Variants in PDHB observed in about 807,000 individuals in gnomAD.
The protein encoded by PDHB is pyruvate dehydrogenase E1 subunit beta.
PDHB carries 17 observed loss-of-function variants against 42.8 expected under a neutral mutation model. The observed-to-expected ratio is 0.40, with a 90% confidence interval of 0.27 to 0.60. PDHB has a LOEUF of 0.60. Among genes scored for constraint, PDHB ranks in the 20% least tolerant of loss-of-function variants. The pLI, the probability that PDHB is intolerant of heterozygous loss-of-function variation, is 0.46. For missense variants in PDHB, 322 were observed against 451.3 expected (o/e 0.71, Z 2.60); for synonymous variants, 154 against 148.7 (o/e 1.04, Z -0.26).
Position 58,431,452 on chromosome 3 carries a change from G to A in PDHB, c.303+141C>T. ...AACCCCAGCCACTATGGAGGCTGAG[G>A]CAGGAGAATTGCTTGAACCTGGAAG... On this transcript the variant is annotated intron_variant, in intron 5 of 9. Transcript: ENST00000302746. This position sits in a 1 kb window ranked among gnomAD's most constrained non-coding sequence, Gnocchi z 4.4. The A allele has an allele frequency of 2.7e-6, 2 of 744,650 alleles. No homozygotes were observed. The highest frequency in any genetic ancestry group is 4.8e-6 in the Non-Finnish European group (2 of 420,448). 46.1% of individuals were successfully genotyped at this position (744,650 alleles called of 1,614,324 possible). A position where few individuals can be genotyped will look rare whatever the true frequency, so the allele number is the denominator to read the frequency against.
In PDHB at chr3:58,431,409, C is replaced by T. The variant is rs1033016046; in HGVS notation, c.303+184G>A. ...ACTAAAAACACAAAAATTGGCTAGG[C>T]ACAGTGGCGCGACCTGTAACCCCAG... On this transcript the variant is annotated intron_variant, in intron 5 of 9. Coordinates refer to ENST00000302746, the MANE Select transcript of PDHB (RefSeq NM_000925.4). The surrounding 1 kb of genome is among the most constrained non-coding windows in gnomAD (Gnocchi z 4.4). 4 of 607,056 alleles carry T rather than the reference C, an allele frequency of 6.6e-6. No homozygotes were observed. The highest frequency in any genetic ancestry group is 5.9e-5 in the Admixed American group (2 of 34,080). The allele number at this position is 607,056 out of a possible 1,614,324, so 37.6% of individuals were successfully genotyped here. A position where few individuals can be genotyped will look rare whatever the true frequency, so the allele number is the denominator to read the frequency against.
Position 58,427,962 on chromosome 3 carries a change from G to A in PDHB, c.*72C>T, listed in dbSNP as rs754190213. The A allele has an allele frequency of 9.1e-6, 10 of 1,101,338 alleles. No individual in the cohort carries two copies. In the Admixed American group the frequency reaches 1.8e-4, roughly 20 times the overall value. 68.2% of individuals were successfully genotyped at this position (1,101,338 alleles called of 1,614,324 possible). On this transcript the variant is annotated 3_prime_UTR_variant, in exon 10 of 10. Transcript: ENST00000302746. ...TTTCCGTTATGAATAGTCAGGTCTT[G>A]CAGTACAAATCCAGGTGCAGTGCCA...
chr3:58,429,079 T>C (rs748868931), intron 8 of PDHB, among the ~76,000 whole-genome samples: 12 of 152,160 alleles, frequency 7.9e-5, no homozygotes, highest in Non-Finnish European at 1.2e-4. Flanking sequence ...GGTCTTGAAC[T>C]CCTGACCTCA....
At chr3:58,428,929 A>C (rs1576955712) in intron 8 of PDHB, 2 of 321,108 alleles carry the variant, frequency 6.2e-6, no homozygotes, top group African/African-American at 4.4e-5. Context: ...ATCTCGGCTC[A>C]CTGCCACCCC....
rs571916423 is a variant in PDHB, at chr3:58,431,478, C to A, written c.303+115G>T. ...CAGGAGAATTGCTTGAACCTGGAAG[C>A]TGAGATGGTGCCAGTGCACTCCAGG... On this transcript the variant is annotated intron_variant, in intron 5 of 9. Transcript: ENST00000302746. This position sits in a 1 kb window ranked among gnomAD's most constrained non-coding sequence, Gnocchi z 4.4. The A allele has an allele frequency of 2.5e-4, 208 of 842,624 alleles. 6 individuals carry two copies. The South Asian group carries it at 2.8e-3, about 11-fold the overall frequency. The allele number at this position is 842,624 out of a possible 1,614,324, so 52.2% of individuals were successfully genotyped here.
chr3:58,431,052 TTTA>T lies in PDHB; in HGVS notation c.304-113_304-111del, dbSNP rs1031648806. The T allele has an allele frequency of 3.0e-5, 33 of 1,089,274 alleles. No homozygotes were observed. The African/African-American group carries it at 4.7e-4, about 15-fold the overall frequency. The allele number at this position is 1,089,274 out of a possible 1,614,324, so 67.5% of individuals were successfully genotyped here. ...TCAAATAATGTTTTTATTTTTTATT[TTTA>T]TTTTTTATGGACAGGGTCTCACTGT... On this transcript the variant is annotated intron_variant, in intron 5 of 9. Transcript: ENST00000302746. The surrounding 1 kb of genome is among the most constrained non-coding windows in gnomAD (Gnocchi z 4.4).
At chr3:58,430,609 T>C in intron 6 of PDHB, 48 bp downstream of exon 6, 2 of 1,479,118 alleles carry the variant, frequency 1.4e-6, no homozygotes, top group Non-Finnish European at 1.9e-6. Context: ...AAATATATCA[T>C]TTTAGTTTTT....
Position 58,431,955 on chromosome 3 carries a change from A to G in PDHB, c.126T>C (p.Gly42=). The G allele has an allele frequency of 6.2e-7, 1 of 1,613,752 alleles. No individual in the cohort carries two copies. The highest frequency in any genetic ancestry group is 8.5e-7 in the Non-Finnish European group (1 of 1,179,720). ...CATCTCTTTCCAGCTCCTCATCCAT[A>G]CCCTGATTTATAGCATCACGAACTG... is the stretch of plus-strand genomic sequence containing the variant. The part of the protein sequence containing the change: ...QVTVRDAINQ[G]MDEELERDEK... Residue 42 remains glycine (G), a synonymous_variant, in exon 3 of 10, where the codon GGT becomes GGC. Coordinates refer to ENST00000302746, the MANE Select transcript of PDHB (RefSeq NM_000925.4). The surrounding 1 kb of genome is among the most constrained non-coding windows in gnomAD (Gnocchi z 4.4).
rs2062915242 is a variant in PDHB, at chr3:58,431,005, A to G, written c.304-63T>C. The G allele has an allele frequency of 2.1e-6, 3 of 1,418,178 alleles. No individual in the cohort carries two copies. The highest frequency in any genetic ancestry group is 3.3e-5 in the Admixed American group (2 of 59,740). The allele number at this position is 1,418,178 out of a possible 1,614,324, so 87.8% of individuals were successfully genotyped here. A position where few individuals can be genotyped will look rare whatever the true frequency, so the allele number is the denominator to read the frequency against. On this transcript the variant is annotated intron_variant, in intron 5 of 9. Transcript: ENST00000302746. The surrounding 1 kb of genome is among the most constrained non-coding windows in gnomAD (Gnocchi z 4.4). ...AACAGCAACAAACAGTAGCAAACAA[A>G]TCACTCCAAGTCTTCCAACATTCAA...
Position 58,429,732 on chromosome 3 carries a change from T to C in PDHB, c.768A>G (p.Leu256=), listed in dbSNP as rs2062903975. 3.1e-6 allele frequency: 5 copies of C among 1,609,944 alleles called. No homozygotes were observed. The highest frequency in any genetic ancestry group is 2.2e-5 in the East Asian group (1 of 44,878). ...VGHCLEAAAV[L]SKEGVECEVI... ...CCTCACATTCAACTCCTTCTTTAGA[T>C]AGCACTGCTGCAGCTTCTAAGCAGT... The change falls in exon 8 of 10, where the codon CTA becomes CTG. Residue 256 remains leucine (L), a synonymous_variant. Coordinates refer to ENST00000302746, the MANE Select transcript of PDHB (RefSeq NM_000925.4).
Position 58,430,732 on chromosome 3 carries a change from A to T in PDHB, c.514T>A (p.Leu172Ile). ...GAATTCCAGGGACTGACCACCTTTA[A>T]GCCTGGGCAGTGCCCATACCAGGCA... Reference protein sequence around the residue: ...FAAWYGHCPGLKVVSPWNSED... With the variant: ...FAAWYGHCPGIKVVSPWNSED... Residue 172 changes from leucine to isoleucine, a missense_variant, in exon 6 of 10, where the codon TTA becomes ATA. Physicochemically the swap from Leu to Ile is conservative, Grantham distance 5 (BLOSUM62 2). Around this residue, in one of 3 missense-constraint regions of PDHB, gnomAD observed 208 missense variants for 285.0 expected, o/e 0.73. Coordinates refer to ENST00000302746, the MANE Select transcript of PDHB (RefSeq NM_000925.4). 3 of 1,613,998 alleles carry T rather than the reference A, an allele frequency of 1.9e-6. No individual in the cohort carries two copies. The highest frequency in any genetic ancestry group is 2.5e-6 in the Non-Finnish European group (3 of 1,179,826).
chr3:58,431,545 G>A lies in PDHB; in HGVS notation c.303+48C>T. ...GACTCTGTCTCAAAAGAAAAAAAAA[G>A]AAAACAAGAAATGTCTTTGGATAAG... On this transcript the variant is annotated intron_variant, in intron 5 of 9. Coordinates refer to ENST00000302746, the MANE Select transcript of PDHB (RefSeq NM_000925.4). This position sits in a 1 kb window ranked among gnomAD's most constrained non-coding sequence, Gnocchi z 4.4. 1 of 1,470,286 alleles carries A rather than the reference G, an allele frequency of 6.8e-7. No individual in the cohort carries two copies. The allele number at this position is 1,470,286 out of a possible 1,614,324, so 91.1% of individuals were successfully genotyped here.
intron 6 of PDHB, among the ~76,000 whole-genome samples, 153 bp from the exon 7 acceptor site, chr3:58,430,391 T>C (rs2062909934): frequency 6.6e-6 from 1 of 152,228 alleles, no homozygotes; most frequent in Non-Finnish European, 1.5e-5. Context: ...GCAGTTTAGG[T>C]ACTTAAATTT....
In PDHB at chr3:58,431,400, T is replaced by C; in HGVS notation, c.303+193A>G. The stretch of plus-strand genomic sequence containing the variant: ...CCCATCTCTACTAAAAACACAAAAA[T>C]TGGCTAGGCACAGTGGCGCGACCTG... On this transcript the variant is annotated intron_variant, in intron 5 of 9. Coordinates refer to ENST00000302746, the MANE Select transcript of PDHB (RefSeq NM_000925.4). The surrounding 1 kb of genome is among the most constrained non-coding windows in gnomAD (Gnocchi z 4.4). 6.9e-6 allele frequency: 4 copies of C among 583,588 alleles called. No individual in the cohort carries two copies. Among genetic ancestry groups the C allele is most frequent in the Middle Eastern group, 4.7e-4 (1 of 2,126 alleles). 36.2% of individuals were successfully genotyped at this position (583,588 alleles called of 1,614,324 possible).
In PDHB at chr3:58,431,726, C is replaced by T. The variant is rs770328219; in HGVS notation, c.267+5G>A. The T allele has an allele frequency of 2.5e-6, 4 of 1,612,540 alleles. No homozygotes were observed. In the South Asian group the frequency reaches 4.4e-5, roughly 18 times the overall value. On this transcript the variant is annotated splice_donor_5th_base_variant and intron_variant, in intron 4 of 9. Coordinates refer to ENST00000302746, the MANE Select transcript of PDHB (RefSeq NM_000925.4). The surrounding 1 kb of genome is among the most constrained non-coding windows in gnomAD (Gnocchi z 4.4). ...CCAGGGTCTGCTTCCCACTGGAAGGCTTACCTCTGATATGGGAGTGTCAAT... is the reference window on the plus strand; with the variant it reads ...CCAGGGTCTGCTTCCCACTGGAAGGTTTACCTCTGATATGGGAGTGTCAAT...
At position 58,430,122 on chromosome 3, in the gene PDHB, TCTTAC is replaced by T; in HGVS notation, c.700+1_700+5del. The stretch of plus-strand genomic sequence containing the variant: ...AAATACTGTTTATATATCTTAGTTT[TCTTAC>T]CTTGCCTTTCTATTTTGGCTTTTCC... On this transcript the variant is annotated splice_donor_variant and splice_donor_5th_base_variant and intron_variant, in intron 7 of 9. Coordinates refer to ENST00000302746, the MANE Select transcript of PDHB (RefSeq NM_000925.4). LOFTEE classifies it high-confidence loss of function. 6.5e-7 allele frequency: 1 copy of T among 1,527,074 alleles called. No homozygotes were observed. The highest frequency in any genetic ancestry group is 2.3e-5 in the East Asian group (1 of 44,444). 94.6% of individuals were successfully genotyped at this position (1,527,074 alleles called of 1,614,324 possible). A position where few individuals can be genotyped will look rare whatever the true frequency, so the allele number is the denominator to read the frequency against.
chr3:58,432,494 C>G (rs1006210232), intron 2 of PDHB: 2 of 181,254 alleles, frequency 1.1e-5, no homozygotes, highest in African/African-American at 4.8e-5. Context: ...GTCAGGAGTT[C>G]GAGACCACCC....
At chr3:58,428,757 T>TTGTAC in intron 8 of PDHB, 143 bp from the exon 9 acceptor site, 2 of 716,296 alleles carry the variant, frequency 2.8e-6, no homozygotes, top group South Asian at 3.5e-5. Flanking sequence ...TATTCATGAA[T>TTGTAC]GTACAAACTG....
At chr3:58,433,599 G>A (rs986905588) in intron 2 of PDHB, 32 bp downstream of exon 2, 1 of 1,594,256 alleles carries the variant, frequency 6.3e-7, no homozygotes. Context: ...GACCCTCCCC[G>A]CCCTCGTCCG....
Sources: allele counts gnomAD v4.1 joint callset (sites outside exome capture counted in the v4.1 genomes callset), GRCh38; gene constraint gnomAD v4.1.1; regional missense constraint gnomAD v4.1.1; non-coding constraint Gnocchi (gnomAD v3.1); transcripts MANE v1.5; gene names NCBI Gene and HGNC (gene_info 2026-07-23, HGNC 2026-07-21).